WDHD1: variants seen among roughly 807,000 people sequenced by gnomAD.
WDHD1 encodes WD repeat and HMG-box DNA binding protein 1, also known as WD repeat and HMG-box DNA-binding protein 1.
WDHD1 carries 111 observed loss-of-function variants against 135.4 expected under a neutral mutation model. The ratio of observed to expected loss-of-function variants is 0.82; its 90% CI spans 0.70 to 0.96. The LOEUF is 0.96. Ranked by LOEUF, WDHD1 falls within the 40% of genes least tolerant of loss-of-function variation. The pLI, the probability that WDHD1 is intolerant of heterozygous loss-of-function variation, is 0.00. For synonymous variants in WDHD1, 434 were observed against 439.0 expected (o/e 0.99, Z 0.14); for missense variants, 1,351 against 1,336.3 (o/e 1.01, Z -0.17).
In WDHD1 at chr14:55,027,022, A is replaced by C. The variant is rs2042460341; in HGVS notation, c.-17+6T>G. 1.9e-6 allele frequency: 1 copy of C among 524,970 alleles called. No homozygotes were observed. Among genetic ancestry groups the C allele is most frequent in the Non-Finnish European group, 3.4e-6 (1 of 291,138 alleles). 32.5% of individuals were successfully genotyped at this position (524,970 alleles called of 1,614,324 possible). A position where few individuals can be genotyped will look rare whatever the true frequency, so the allele number is the denominator to read the frequency against. On this transcript the variant is annotated splice_donor_region_variant and intron_variant, in intron 1 of 25. Coordinates refer to ENST00000360586, the MANE Select transcript of WDHD1 (RefSeq NM_007086.4). The stretch of plus-strand genomic sequence containing the variant: ...GTGGACGCGGGCAGCCGGAGTGGGG[A>C]CTCACCCGGGTGACCGAGCCTCCGC...
Position 54,941,495 on chromosome 14 carries a change from C to A in WDHD1, c.3385G>T (p.Glu1129Ter). ...CCTAGGGTCACTTTCTTCCTTTACT[C>A]CTGCTTAAATGCAAAAGCTGATAGT... The part of the protein sequence containing the change: ...QKLSAFAFKQ[E>*] Residue 1129 changes from glutamate to a stop codon, truncating the protein, a stop_gained, in exon 26 of 26, where the codon GAG becomes TAG. Transcript: ENST00000360586. LOFTEE classifies it high-confidence loss of function. 6.2e-7 allele frequency: 1 copy of A among 1,609,396 alleles called. No homozygotes were observed. The highest frequency in any genetic ancestry group is 1.1e-5 in the South Asian group (1 of 89,716).
Position 54,955,685 on chromosome 14 carries a change from C to A in WDHD1, c.2926G>T (p.Ala976Ser). 1.3e-6 allele frequency: 2 copies of A among 1,563,608 alleles called. No individual in the cohort carries two copies. Among genetic ancestry groups the A allele is most frequent in the South Asian group, 1.2e-5 (1 of 82,632 alleles). ...GAATTTCTTTTCTGGAAATAGGATG[C>A]TGCAGATGCCTATAAAAACAAACAT... ...PKPKPKQASAASYFQKRNSQT... is the reference protein window; with the variant it reads ...PKPKPKQASASSYFQKRNSQT... The change falls in exon 24 of 26, where the codon GCA becomes TCA. Residue 976 changes from alanine (A) to serine (S), a missense_variant. Physicochemically the swap from Ala to Ser is moderately conservative, Grantham distance 99. Transcript: ENST00000360586.
chr14:54,956,500 T>C (rs917262490), intron 23 of WDHD1, among the ~76,000 whole-genome samples: 8 of 151,900 alleles, frequency 5.3e-5, no homozygotes, highest in Non-Finnish European at 1.0e-4. Context: ...TAGCTGGGCG[T>C]GATGTCAGGC....
chr14:54,987,646 G>A (rs1157530558), intron 13 of WDHD1, among the ~76,000 whole-genome samples: 3 of 151,796 alleles, frequency 2.0e-5, no homozygotes, highest in Non-Finnish European at 2.9e-5. Context: ...TTGAAATGGA[G>A]TTTTGCTCTG....
At chr14:54,951,892 C>T (rs985123875) in intron 24 of WDHD1, among the ~76,000 whole-genome samples, 5 of 152,190 alleles carry the variant, frequency 3.3e-5, no homozygotes, top group Non-Finnish European at 5.9e-5. Context: ...ACTAAAACCA[C>T]ATGGTTATCT....
At chr14:54,975,370 C>CA (rs2041508692) in intron 16 of WDHD1, among the ~76,000 whole-genome samples, 1 of 150,952 alleles carries the variant, frequency 6.6e-6, no homozygotes, top group Non-Finnish European at 1.5e-5. Context: ...TTTTTTGAGA[C>CA]AGAGTTTCCC....
chr14:54,972,221 G>C (rs2041446553), intron 16 of WDHD1, among the ~76,000 whole-genome samples: 1 of 146,158 alleles, frequency 6.8e-6, no homozygotes, highest in African/African-American at 2.5e-5. Flanking sequence ...CTTGCGGTGA[G>C]CCGAGATCAC....
chr14:54,946,104 A>G (rs1040469639), intron 24 of WDHD1, among the ~76,000 whole-genome samples: 1 of 152,258 alleles, frequency 6.6e-6, no homozygotes, highest in Admixed American at 6.5e-5. Context: ...TCCAAAAATT[A>G]ATGAAGACCC....
At chr14:55,022,493 C>A (rs954981026) in intron 2 of WDHD1, among the ~76,000 whole-genome samples, 2 of 152,038 alleles carry the variant, frequency 1.3e-5, no homozygotes, top group African/African-American at 4.8e-5. Flanking sequence ...ACCAGCCTGG[C>A]CAACATGGCA....
At chr14:54,964,493 A>T (rs1041565577) in intron 18 of WDHD1, among the ~76,000 whole-genome samples, 2 of 152,080 alleles carry the variant, frequency 1.3e-5, no homozygotes, top group Non-Finnish European at 2.9e-5. Flanking sequence ...ACAAAAAATT[A>T]GCTGGTGTGG....
chr14:54,967,432 A>AAC, intron 16 of WDHD1, 38 bp from the exon 17 acceptor site: 1 of 1,488,604 alleles, frequency 6.7e-7, no homozygotes, highest in Non-Finnish European at 9.2e-7. Flanking sequence ...AAAATTTACT[A>AAC]ACATGTCATA....
chr14:54,974,079 G>C (rs150571081), intron 16 of WDHD1, among the ~76,000 whole-genome samples: 20 of 150,942 alleles, frequency 1.3e-4, no homozygotes, highest in African/African-American at 4.4e-4. Flanking sequence ...TAAACCACCT[G>C]GAAGAGGAAT....
At chr14:55,016,396 T>C (rs1024565239) in intron 2 of WDHD1, among the ~76,000 whole-genome samples, 3 of 152,208 alleles carry the variant, frequency 2.0e-5, no homozygotes, top group African/African-American at 7.2e-5. Context: ...TTGAATAAAA[T>C]GTTTGTTGAC....
chr14:55,000,997 A>G lies in WDHD1; in HGVS notation c.694-5T>C. ...CCAGGTTACTATATTGAGGGTCTGT[A>G]AAGAAAAACAGTTAATAAATAATGA... On this transcript the variant is annotated splice_polypyrimidine_tract_variant and splice_region_variant and intron_variant, in intron 8 of 25. Coordinates refer to ENST00000360586, the MANE Select transcript of WDHD1 (RefSeq NM_007086.4). 2 of 1,488,862 alleles carry G rather than the reference A, an allele frequency of 1.3e-6. No individual in the cohort carries two copies. Among genetic ancestry groups the G allele is most frequent in the Non-Finnish European group, 1.8e-6 (2 of 1,103,996 alleles). 92.2% of individuals were successfully genotyped at this position (1,488,862 alleles called of 1,614,324 possible). A position where few individuals can be genotyped will look rare whatever the true frequency, so the allele number is the denominator to read the frequency against.
rs748820770 is a variant in WDHD1 at position 54,967,280 on chromosome 14, C to T, written c.2178G>A (p.Glu726=). 6.2e-6 allele frequency: 10 copies of T among 1,606,480 alleles called. No individual in the cohort carries two copies. The highest frequency in any genetic ancestry group is 8.5e-6 in the Non-Finnish European group (10 of 1,174,988). The stretch of plus-strand genomic sequence containing the variant: ...GTGTCAAGGTAAGACTTCCACATAC[C>T]TCCATTTGTCCTTTCTCTGTTGCAA... ...CQIATEKGQM[E]EQFWRSVIFH... is the part of the protein sequence containing the mutation. Residue 726 remains glutamate (E), a splice_region_variant and synonymous_variant, in exon 17 of 26, where the codon GAG becomes GAA. Coordinates refer to ENST00000360586, the MANE Select transcript of WDHD1 (RefSeq NM_007086.4).
chr14:54,968,451 C>CA (rs145804301), intron 16 of WDHD1, among the ~76,000 whole-genome samples: 5,088 of 151,996 alleles, frequency 0.033, 268 homozygotes, highest in African/African-American at 0.12. Flanking sequence ...TCTAGGGAAA[C>CA]TAGATAAACG....
intron 10 of WDHD1, among the ~76,000 whole-genome samples, chr14:54,997,481 A>G (rs1393059043): frequency 3.3e-5 from 5 of 152,190 alleles, no homozygotes; most frequent in African/African-American, 1.2e-4. Context: ...GTGTTTCTAA[A>G]TCCATACATT....
At chr14:54,949,396 G>A (rs1322694316) in intron 24 of WDHD1, among the ~76,000 whole-genome samples, 3 of 152,142 alleles carry the variant, frequency 2.0e-5, no homozygotes, top group Non-Finnish European at 4.4e-5. Context: ...GGAAGAAAGG[G>A]TATCAGTGAT....
chr14:54,947,370 T>G (rs929416312), intron 24 of WDHD1, among the ~76,000 whole-genome samples: 2 of 152,140 alleles, frequency 1.3e-5, no homozygotes, highest in Non-Finnish European at 2.9e-5. Flanking sequence ...TGAGCCACTA[T>G]GCCCGGCCTA....
Sources: allele counts gnomAD v4.1 joint callset (sites outside exome capture counted in the v4.1 genomes callset), GRCh38; gene constraint gnomAD v4.1.1; transcripts MANE v1.5; gene names NCBI Gene and HGNC (gene_info 2026-07-23, HGNC 2026-07-21).